Variants in DYNC1I1 observed in about 807,000 individuals in gnomAD.
The protein encoded by DYNC1I1 is dynein cytoplasmic 1 intermediate chain 1.
In DYNC1I1, 43 loss-of-function variants were observed where a neutral mutation model predicts 86.6. The observed-to-expected ratio is 0.50, with a 90% CI of 0.39 to 0.64. The LOEUF (loss-of-function observed/expected upper bound fraction) is 0.64, where lower values mean the gene tolerates loss of function less well. Ranked by LOEUF, DYNC1I1 falls within the 30% of genes least tolerant of loss-of-function variation. The pLI is 0.00. For missense variants in DYNC1I1, 604 were observed against 788.8 expected, an observed-to-expected ratio of 0.77 and a Z score of 2.81; for synonymous variants, 262 against 283.7, an observed-to-expected ratio of 0.92 and a Z score of 0.77.
intron 5 of DYNC1I1, among the ~76,000 whole-genome samples, chr7:95,828,575 T>C (rs1035495013): frequency 1.3e-5 from 2 of 152,200 alleles, no homozygotes; most frequent in South Asian, 2.1e-4. Context: ...AGCACTTAAT[T>C]TGAATTAAGT....
chr7:95,870,530 A>G (rs935001351), intron 6 of DYNC1I1, among the ~76,000 whole-genome samples: 1 of 152,234 alleles, frequency 6.6e-6, no homozygotes, highest in Non-Finnish European at 1.5e-5. Flanking sequence ...AATCTTTATT[A>G]TAACCTGGCC....
intron 15 of DYNC1I1, among the ~76,000 whole-genome samples, chr7:96,077,805 AT>A (rs1450352359): frequency 2.0e-5 from 3 of 152,096 alleles, no homozygotes; most frequent in South Asian, 4.2e-4. Flanking sequence ...TTTCTTTTAA[AT>A]TTTTTTTAGG....
At chr7:96,103,333 C>A (rs1791164602), downstream of DYNC1I1, among the ~76,000 whole-genome samples, 1 of 152,112 alleles carries the variant, frequency 6.6e-6, no homozygotes, top group South Asian at 2.1e-4. Flanking sequence ...AGTTGAGCAC[C>A]CAGTTATCTC....
chr7:96,025,852 A>G (rs1346855726), intron 10 of DYNC1I1, among the ~76,000 whole-genome samples: 1 of 150,960 alleles, frequency 6.6e-6, no homozygotes, highest in East Asian at 1.9e-4. Flanking sequence ...GGGGGGGGAT[A>G]TTTGCTTGGA....
chr7:95,922,678 C>G (rs558623503), intron 6 of DYNC1I1, among the ~76,000 whole-genome samples: 2 of 152,202 alleles, frequency 1.3e-5, no homozygotes, highest in East Asian at 1.9e-4. Context: ...CAAACACGTT[C>G]CCTCTGATTT....
chr7:95,992,438 T>C (rs990259571), intron 9 of DYNC1I1, among the ~76,000 whole-genome samples: 11 of 152,152 alleles, frequency 7.2e-5, no homozygotes, highest in Non-Finnish European at 1.2e-4. Context: ...TCTTGCTTTA[T>C]CACTTATTAG....
chr7:96,062,237 T>C (rs898136658), intron 14 of DYNC1I1, among the ~76,000 whole-genome samples: 1 of 152,206 alleles, frequency 6.6e-6, no homozygotes, highest in South Asian at 2.1e-4. Context: ...GAATTTTTCA[T>C]GTTAAGGATT....
At position 96,074,850 on chromosome 7, in the gene DYNC1I1, A is replaced by G. The variant is rs569024044; in HGVS notation, c.1510-1207A>G. The stretch of plus-strand genomic sequence containing the variant: ...GATAGGATTTGATTGTTCATATTGC[A>G]TGTTATCTTTTCTTGATCTTATTAC... On this transcript the variant is annotated intron_variant, in intron 14 of 16. Coordinates refer to ENST00000447467, the MANE Select transcript of DYNC1I1 (RefSeq NM_001135556.2). Among the ~76,000 whole-genome samples, 142 of 152,324 alleles carry G rather than the reference A, an allele frequency of 9.3e-4. 11 individuals carry two copies. Among genetic ancestry groups the G allele is most frequent in the Non-Finnish European group, 1.0e-4 (7 of 68,034 alleles).
intron 6 of DYNC1I1, among the ~76,000 whole-genome samples, chr7:95,914,551 G>A (rs1434862933): frequency 1.3e-5 from 2 of 152,102 alleles, no homozygotes; most frequent in African/African-American, 4.8e-5. Flanking sequence ...TAAATGTGAT[G>A]ATCATCCTGC....
At chr7:96,035,810 A>T in intron 13 of DYNC1I1, 58 bp downstream of exon 13, 6 of 1,592,070 alleles carry the variant, frequency 3.8e-6, no homozygotes, top group Non-Finnish European at 4.3e-6. Flanking sequence ...GTCTGTTATC[A>T]CATTCTGGAT....
chr7:96,056,589 G>A (rs1191276877), intron 14 of DYNC1I1, among the ~76,000 whole-genome samples: 1 of 151,934 alleles, frequency 6.6e-6, no homozygotes, highest in African/African-American at 2.4e-5. Context: ...TTTTCATTAT[G>A]CCATTTCCTT....
intron 11 of DYNC1I1, among the ~76,000 whole-genome samples, chr7:96,030,613 C>T (rs1421442900): frequency 1.3e-5 from 2 of 151,898 alleles, no homozygotes; most frequent in Non-Finnish European, 2.9e-5. Context: ...TGTGTTGATG[C>T]TCAGTGGTTA....
intron 15 of DYNC1I1, among the ~76,000 whole-genome samples, chr7:96,077,277 G>GTGTGT (rs1562996241): frequency 1.3e-5 from 2 of 149,988 alleles, no homozygotes; most frequent in African/African-American, 5.0e-5. Context: ...GTGTGTGTGT[G>GTGTGT]GGAGGGGGCA....
intron 5 of DYNC1I1, among the ~76,000 whole-genome samples, chr7:95,862,550 A>G (rs1789914921): frequency 6.6e-6 from 1 of 152,236 alleles, no homozygotes; most frequent in Admixed American, 6.5e-5. Context: ...TAAACAGATA[A>G]TAAAAGTTGA....
intron 4 of DYNC1I1, chr7:95,818,987 C>T (rs1025324464): frequency 6.6e-6 from 1 of 152,664 alleles, no homozygotes; most frequent in African/African-American, 2.4e-5. Flanking sequence ...TCACAATTAG[C>T]AGCATTTCTT....
At chr7:95,937,349 G>A (rs1464957612) in intron 6 of DYNC1I1, among the ~76,000 whole-genome samples, 2 of 152,022 alleles carry the variant, frequency 1.3e-5, no homozygotes, top group African/African-American at 4.8e-5. Context: ...GGTTAACTAT[G>A]TGAGGTGATG....
At chr7:96,066,795 C>T (rs1790004666) in intron 14 of DYNC1I1, among the ~76,000 whole-genome samples, 1 of 152,124 alleles carries the variant, frequency 6.6e-6, no homozygotes, top group African/African-American at 2.4e-5. Flanking sequence ...GAAAACAGAT[C>T]CCCAAATAAG....
chr7:96,011,699 G>T (rs1794279520), intron 10 of DYNC1I1, among the ~76,000 whole-genome samples: 1 of 152,152 alleles, frequency 6.6e-6, no homozygotes, highest in African/African-American at 2.4e-5. Context: ...CGAAGTGGTG[G>T]TGTGTGTCAA....
chr7:96,062,053 T>C (rs1345963225), intron 14 of DYNC1I1, among the ~76,000 whole-genome samples: 1 of 152,204 alleles, frequency 6.6e-6, no homozygotes, highest in Non-Finnish European at 1.5e-5. Flanking sequence ...CCAAGTGGAC[T>C]TGAGAGAGAG....
Sources: allele counts gnomAD v4.1 joint callset (sites outside exome capture counted in the v4.1 genomes callset), GRCh38; gene constraint gnomAD v4.1.1; transcripts MANE v1.5; gene names NCBI Gene and HGNC (gene_info 2026-07-23, HGNC 2026-07-21).